Variants in IGFBP7 observed in about 807,000 individuals in gnomAD.
IGFBP7 encodes insulin-like growth factor-binding protein 7.
Under a neutral mutation model 29.4 loss-of-function variants are expected in IGFBP7, and 31 were observed. The observed-to-expected ratio is 1.05, with a 90% CI of 0.79 to 1.42. The LOEUF (loss-of-function observed/expected upper bound fraction) is 1.42, where lower values mean the gene tolerates loss of function less well. Among genes scored for constraint, IGFBP7 ranks in the 40% most tolerant of loss-of-function variants. The pLI is 0.00. For synonymous variants in IGFBP7, 172 were observed against 174.9 expected (o/e 0.98, Z 0.13); for missense variants, 393 against 395.5 (o/e 0.99, Z 0.05).
At chr4:57,100,071 CTTTTT>C (rs10669251) in intron 1 of IGFBP7, among the ~76,000 whole-genome samples, 1 of 115,754 alleles carries the variant, frequency 8.6e-6, no homozygotes, top group South Asian at 2.7e-4. Context: ...TCTTTTCTTT[CTTTTT>C]TTTTTTTTTT....
intron 1 of IGFBP7, among the ~76,000 whole-genome samples, chr4:57,055,376 A>G (rs916901285): frequency 3.3e-5 from 5 of 152,230 alleles, no homozygotes; most frequent in African/African-American, 1.2e-4. Flanking sequence ...GAAGTACTCA[A>G]TTAAAACATT....
chr4:57,079,812 T>C (rs1164024796), intron 1 of IGFBP7, among the ~76,000 whole-genome samples: 3 of 152,250 alleles, frequency 2.0e-5, no homozygotes, highest in African/African-American at 7.2e-5. Context: ...GTTACTACTG[T>C]CCTTACCATT....
In IGFBP7 at chr4:57,032,461, A is replaced by G. The variant is rs142125625; in HGVS notation, c.794T>C (p.Val265Ala). Residue 265 changes from valine (V) to alanine (A), a missense_variant, in exon 4 of 5, where the codon GTG becomes GCG. Transcript: ENST00000295666. ...TGGTATTTCATGTAAGGCATCAACC[A>G]CTGTAATTTTTGCTGATGCTGAAGC... The part of the protein sequence containing the change: ...GQASASAKIT[V>A]VDALHEIPVK... 93 of 1,613,714 alleles carry G rather than the reference A, an allele frequency of 5.8e-5. No individual in the cohort carries two copies. The highest frequency in any genetic ancestry group is 7.2e-5 in the Non-Finnish European group (85 of 1,179,736).
At chr4:57,081,050 A>G (rs1725355101) in intron 1 of IGFBP7, among the ~76,000 whole-genome samples, 1 of 152,184 alleles carries the variant, frequency 6.6e-6, no homozygotes, top group South Asian at 2.1e-4. Context: ...CCTGGAAGTC[A>G]ACACCCATTT....
At chr4:57,074,456 C>G (rs1269785608) in intron 1 of IGFBP7, among the ~76,000 whole-genome samples, 3 of 152,230 alleles carry the variant, frequency 2.0e-5, no homozygotes, top group Non-Finnish European at 4.4e-5. Context: ...GAAGCTGCAA[C>G]TGGCATCTGG....
At chr4:57,072,645 G>A in intron 1 of IGFBP7, 1 of 113,140 alleles carries the variant, frequency 8.8e-6, no homozygotes, top group South Asian at 7.7e-5. Flanking sequence ...CGTTGCTGCT[G>A]CCTAGCCACC....
At chr4:57,101,693 CT>C (rs1725900594) in intron 1 of IGFBP7, among the ~76,000 whole-genome samples, 2 of 151,942 alleles carry the variant, frequency 1.3e-5, no homozygotes, top group South Asian at 4.2e-4. Context: ...GTTTCCCCCC[CT>C]CCCCCCATTA....
At chr4:57,086,125 G>A (rs1038261512) in intron 1 of IGFBP7, among the ~76,000 whole-genome samples, 1 of 152,290 alleles carries the variant, frequency 6.6e-6, no homozygotes, top group African/African-American at 2.4e-5. Flanking sequence ...AGGAGCAAAG[G>A]TACATCTTAC....
chr4:57,097,626 G>C (rs73242650), intron 1 of IGFBP7, among the ~76,000 whole-genome samples: 5,833 of 148,312 alleles, frequency 0.039, 164 homozygotes, highest in East Asian at 0.11. Context: ...TACATACCAG[G>C]TACCAATGTT....
chr4:57,057,750 C>T (rs904376357), intron 1 of IGFBP7, among the ~76,000 whole-genome samples: 2 of 152,142 alleles, frequency 1.3e-5, no homozygotes, highest in Non-Finnish European at 2.9e-5. Flanking sequence ...CTGAACTTGG[C>T]TAAGGCAGCA....
In IGFBP7 at chr4:57,110,343, C is replaced by G; in HGVS notation, c.9G>C (p.Arg3=). Residue 3 remains arginine (R), a synonymous_variant, in exon 1 of 5, where the codon CGG becomes CGC. Coordinates refer to ENST00000295666, the MANE Select transcript of IGFBP7 (RefSeq NM_001553.3). ME[R]PSLRALLLGA... is the part of the protein sequence containing the mutation. ...CGAGGAGCAGGGCGCGCAGCGACGG[C>G]CGCTCCATGGCGGGGTGCGGTGGCA... 2 of 1,377,422 alleles carry G rather than the reference C, an allele frequency of 1.5e-6. No individual in the cohort carries two copies. Among genetic ancestry groups the G allele is most frequent in the Non-Finnish European group, 1.9e-6 (2 of 1,063,448 alleles). 85.3% of individuals were successfully genotyped at this position (1,377,422 alleles called of 1,614,324 possible).
At chr4:57,061,099 T>C (rs562441784) in intron 1 of IGFBP7, among the ~76,000 whole-genome samples, 27 of 151,824 alleles carry the variant, frequency 1.8e-4, no homozygotes, top group Non-Finnish European at 3.8e-4. Context: ...AGAACTAAAT[T>C]CATGAAAGAG....
In IGFBP7 at chr4:57,110,136, C is replaced by T. The variant is rs1726154803; in HGVS notation, c.216G>A (p.Gly72=). ...AGTACCCCCTGCCGGCGCCGCCACC[C>T]CCGCACGGCTCGCCCTCGCCGCGGG... is the stretch of plus-strand genomic sequence containing the variant. The part of the protein sequence containing the change: ...MCARGEGEPC[G]GGGAGRGYCA... Residue 72 remains glycine, a synonymous_variant, in exon 1 of 5, where the codon GGG becomes GGA. Transcript: ENST00000295666. The T allele has an allele frequency of 2.0e-6, 3 of 1,494,060 alleles. No individual in the cohort carries two copies. Among genetic ancestry groups the T allele is most frequent in the Non-Finnish European group, 2.7e-6 (3 of 1,129,092 alleles). The allele number at this position is 1,494,060 out of a possible 1,614,324, so 92.6% of individuals were successfully genotyped here.
intron 2 of IGFBP7, among the ~76,000 whole-genome samples, chr4:57,040,519 C>T (rs1724194786): frequency 6.6e-6 from 1 of 152,212 alleles, no homozygotes; most frequent in Non-Finnish European, 1.5e-5. Flanking sequence ...CACTTTCACT[C>T]GCACCCACAT....
intron 1 of IGFBP7, among the ~76,000 whole-genome samples, chr4:57,059,998 G>C (rs1724762187): frequency 6.6e-6 from 1 of 152,174 alleles, no homozygotes; most frequent in African/African-American, 2.4e-5. Context: ...GGATTAATTT[G>C]TCCCAGTCCA....
At chr4:57,088,411 CA>C (rs1725549040) in intron 1 of IGFBP7, among the ~76,000 whole-genome samples, 1 of 152,192 alleles carries the variant, frequency 6.6e-6, no homozygotes, top group Non-Finnish European at 1.5e-5. Flanking sequence ...CCAGTTTGGG[CA>C]AGAACAGCCC....
At chr4:57,040,189 A>C (rs182050352) in intron 2 of IGFBP7, among the ~76,000 whole-genome samples, 15 of 152,190 alleles carry the variant, frequency 9.9e-5, no homozygotes, top group East Asian at 5.8e-4. Context: ...CCTACTTCCA[A>C]GTGCCCTTAA....
chr4:57,104,222 T>C (rs1319189908), intron 1 of IGFBP7, among the ~76,000 whole-genome samples: 2 of 152,180 alleles, frequency 1.3e-5, no homozygotes, highest in African/African-American at 4.8e-5. Context: ...CTATTGTATA[T>C]ATACAGTGTT....
At chr4:57,054,639 C>CAAAAAAAAAAA (rs75161514) in intron 1 of IGFBP7, among the ~76,000 whole-genome samples, 46 of 27,774 alleles carry the variant, frequency 1.7e-3, no homozygotes, top group East Asian at 7.0e-3. Context: ...CTCTCTCTCA[C>CAAAAAAAAAAA]AAAAAAAAAA....
Sources: gnomAD v4.1 joint callset for allele counts (sites outside exome capture counted in the v4.1 genomes callset) on GRCh38, gnomAD v4.1.1 for gene constraint, MANE v1.5 for transcripts, NCBI Gene and HGNC (gene_info 2026-07-23, HGNC 2026-07-21) for gene names.